Variants in MSR1 observed in about 807,000 individuals in gnomAD.
MSR1 encodes the protein macrophage scavenger receptor types I and II.
MSR1 carries 53 observed loss-of-function variants against 47.2 expected under a neutral mutation model. The observed-to-expected ratio is 1.12, with a 90% CI of 0.90 to 1.41. The LOEUF (loss-of-function observed/expected upper bound fraction) is 1.41. MSR1 is among the 40% of genes most tolerant of loss of function. The pLI, the probability that MSR1 is intolerant of heterozygous loss-of-function variation, is 0.00. For missense variants in MSR1, 786 were observed against 546.9 expected, an observed-to-expected ratio of 1.44 and a Z score of -4.36; for synonymous variants, 239 against 185.6, an observed-to-expected ratio of 1.29 and a Z score of -2.34.
chr8:16,176,601 G>A (rs1208708534), intron 2 of MSR1, among the ~76,000 whole-genome samples: 2 of 152,080 alleles, frequency 1.3e-5, no homozygotes, highest in Non-Finnish European at 2.9e-5. Context: ...AGCAAGTGGA[G>A]ATATAGTCCA....
chr8:16,138,294 G>A (rs1346095413), intron 8 of MSR1, among the ~76,000 whole-genome samples: 1 of 152,090 alleles, frequency 6.6e-6, no homozygotes, highest in East Asian at 1.9e-4. Flanking sequence ...GTATTGTATG[G>A]TAGGAATCAT....
chr8:16,155,151 A>G lies in MSR1; in HGVS notation c.818-7T>C, dbSNP rs988958879. 3 of 1,606,948 alleles carry G rather than the reference A, an allele frequency of 1.9e-6. No individual in the cohort carries two copies. The highest frequency in any genetic ancestry group is 4.5e-5 in the East Asian group (2 of 44,748). ...CCCGGGGGTCCAGGAGGACCTTTAA[A>G]AAAATTACAGTTACTGATCATAGTT... On this transcript the variant is annotated splice_region_variant and splice_polypyrimidine_tract_variant and intron_variant, in intron 5 of 9. Transcript: ENST00000262101.
At position 16,164,241 on chromosome 8, in the gene MSR1, T is replaced by C. The variant is rs1585176810; in HGVS notation, c.641A>G (p.Lys214Arg). The C allele has an allele frequency of 6.2e-7, 1 of 1,611,444 alleles. No individual in the cohort carries two copies. The stretch of plus-strand genomic sequence containing the variant: ...TACATTGTAAACACGCTCCTCTAAT[T>C]TACTGATTTCCTGTAAAACATAAGT... ...NTFKQQEEISKLEERVYNVSA... is the reference protein window; with the variant it reads ...NTFKQQEEISRLEERVYNVSA... Residue 214 changes from lysine (K) to arginine (R), a missense_variant, in exon 5 of 10, where the codon AAA becomes AGA. Physicochemically the swap from Lys to Arg is conservative, Grantham distance 26. Transcript: ENST00000262101.
At chr8:16,158,272 A>G (rs894093329) in intron 5 of MSR1, among the ~76,000 whole-genome samples, 2 of 152,038 alleles carry the variant, frequency 1.3e-5, no homozygotes, top group African/African-American at 4.8e-5. Context: ...CCTTTATACA[A>G]CACATGCACA....
At chr8:16,190,946 C>A (rs1036896097) in intron 1 of MSR1, among the ~76,000 whole-genome samples, 1 of 152,234 alleles carries the variant, frequency 6.6e-6, no homozygotes, top group East Asian at 1.9e-4. Flanking sequence ...GTCTTGAACT[C>A]CCGACCTCAG....
intron 1 of MSR1, among the ~76,000 whole-genome samples, chr8:16,188,999 A>T (rs1301654987): frequency 2.1e-5 from 3 of 142,210 alleles, no homozygotes; most frequent in African/African-American, 5.2e-5. Flanking sequence ...TATATATATA[A>T]AACAACATAT....
chr8:16,184,211 T>A (rs1436136496), intron 1 of MSR1, among the ~76,000 whole-genome samples: 1 of 152,054 alleles, frequency 6.6e-6, no homozygotes, highest in Non-Finnish European at 1.5e-5. Flanking sequence ...GTGTCCCTTT[T>A]ATTATTATAC....
At chr8:16,129,974 G>A (rs959969319) in intron 8 of MSR1, among the ~76,000 whole-genome samples, 1 of 152,122 alleles carries the variant, frequency 6.6e-6, no homozygotes, top group South Asian at 2.1e-4. Flanking sequence ...AGGCTATGGA[G>A]GAAAGGGAAG....
intron 8 of MSR1, among the ~76,000 whole-genome samples, chr8:16,132,684 C>T (rs1022124325): frequency 3.9e-5 from 6 of 151,988 alleles, no homozygotes; most frequent in Non-Finnish European, 8.8e-5. Flanking sequence ...ACGGGTTTTG[C>T]CATTTGGCCA....
intron 1 of MSR1, among the ~76,000 whole-genome samples, chr8:16,184,288 G>T (rs1276349798): frequency 6.6e-6 from 1 of 151,968 alleles, no homozygotes; most frequent in African/African-American, 2.4e-5. Context: ...TAAAGGAGAG[G>T]GGTCCTGCAC....
At position 16,164,095 on chromosome 8, in the gene MSR1, G is replaced by C; in HGVS notation, c.787C>G (p.Gln263Glu). 3.1e-6 allele frequency: 5 copies of C among 1,610,818 alleles called. No individual in the cohort carries two copies. The highest frequency in any genetic ancestry group is 4.2e-6 in the Non-Finnish European group (5 of 1,177,886). The change falls in exon 5 of 10, where the codon CAG (glutamine) becomes GAG (glutamate). Residue 263 changes from glutamine to glutamate, a missense_variant. Transcript: ENST00000262101. The stretch of plus-strand genomic sequence containing the variant: ...ATTAAAGTGATATTTCTCAAGGTCT[G>C]AGAATGTTCCCAATCTTTCAGTCTG... ...DLRLKDWEHS[Q>E]TLRNITLIQG... is the part of the protein sequence containing the mutation.
intron 4 of MSR1, among the ~76,000 whole-genome samples, chr8:16,166,507 T>C (rs1355047348): frequency 6.6e-6 from 1 of 151,944 alleles, no homozygotes. Flanking sequence ...GCACATGGTG[T>C]TTACATTTGT....
At chr8:16,157,335 A>G (rs1364097249) in intron 5 of MSR1, among the ~76,000 whole-genome samples, 1 of 151,926 alleles carries the variant, frequency 6.6e-6, no homozygotes, top group African/African-American at 2.4e-5. Flanking sequence ...ATTTTGGAGT[A>G]TTAGTTCAAT....
At position 16,120,494 on chromosome 8, in the gene MSR1, G is replaced by A. The variant is rs1314193218; in HGVS notation, c.1146C>T (p.Arg382=). Reference sequence around the variant, plus strand: ...AGCTCCTACAGACGACCTGTCCAACGCGCACTTCCCAGCGATCGTCACAAA... The same window carrying A: ...AGCTCCTACAGACGACCTGTCCAACACGCACTTCCCAGCGATCGTCACAAA... The part of the protein sequence containing the change: ...GTICDDRWEV[R]VGQVVCRSLG... Residue 382 remains arginine, a synonymous_variant, in exon 9 of 10, where the codon CGC becomes CGT. Coordinates refer to ENST00000262101, the MANE Select transcript of MSR1 (RefSeq NM_138715.3). The A allele has an allele frequency of 1.2e-6, 2 of 1,613,632 alleles. No homozygotes were observed. Among genetic ancestry groups the A allele is most frequent in the Admixed American group, 1.7e-5 (1 of 59,972 alleles).
chr8:16,151,124 C>T (rs746852803), intron 6 of MSR1, among the ~76,000 whole-genome samples: 3 of 152,010 alleles, frequency 2.0e-5, no homozygotes, highest in Non-Finnish European at 2.9e-5. Context: ...TTGTCATTAT[C>T]AATTCAGAGA....
intron 6 of MSR1, among the ~76,000 whole-genome samples, chr8:16,153,271 T>C (rs1054756023): frequency 2.0e-5 from 3 of 152,154 alleles, no homozygotes; most frequent in Admixed American, 2.0e-4. Context: ...CGGCATCAAA[T>C]ATAAGGCAAT....
chr8:16,110,222 C>A lies in MSR1; in HGVS notation c.1223-4G>T. 2 of 1,613,160 alleles carry A rather than the reference C, an allele frequency of 1.2e-6. No homozygotes were observed. The highest frequency in any genetic ancestry group is 1.7e-6 in the Non-Finnish European group (2 of 1,179,414). ...TTCAGCCATATTGGACCAGTACCTG[C>A]AATAATGAGGTATAACTGCATTAGT... On this transcript the variant is annotated splice_region_variant and splice_polypyrimidine_tract_variant and intron_variant, in intron 9 of 9. Transcript: ENST00000262101.
At chr8:16,185,604 C>G (rs1054518711) in intron 1 of MSR1, among the ~76,000 whole-genome samples, 12 of 152,112 alleles carry the variant, frequency 7.9e-5, no homozygotes, top group Admixed American at 3.3e-4. Context: ...AGACCCATAT[C>G]TGACTGCACA....
chr8:16,148,195 G>A (rs1205945771), intron 7 of MSR1, among the ~76,000 whole-genome samples: 1 of 152,098 alleles, frequency 6.6e-6, no homozygotes, highest in Admixed American at 6.5e-5. Flanking sequence ...CACCAAGGTT[G>A]TTTACTTACC....
Sources: gnomAD v4.1 joint callset for allele counts (sites outside exome capture counted in the v4.1 genomes callset) on GRCh38, gnomAD v4.1.1 for gene constraint, MANE v1.5 for transcripts, NCBI Gene and HGNC (gene_info 2026-07-23, HGNC 2026-07-21) for gene names.